Variants in CTNNA2 observed in about 807,000 individuals in gnomAD.
The protein encoded by CTNNA2 is catenin alpha-2.
A neutral mutation model predicts 101.0 loss-of-function variants in CTNNA2; 42 were observed. The ratio of observed to expected loss-of-function variants is 0.42; its 90% confidence interval spans 0.32 to 0.54. The LOEUF is 0.54. Ranked by LOEUF, CTNNA2 falls within the 20% of genes least tolerant of loss-of-function variation. The probability of loss-of-function intolerance (pLI) is 0.14; values close to 1 mark genes in which losing one functional copy is unlikely to be tolerated. For missense variants in CTNNA2, 871 were observed against 1,223.1 expected (o/e 0.71, Z 4.29); for synonymous variants, 450 against 456.4 (o/e 0.99, Z 0.18).
chr2:79,942,065 G>A (rs544438702), intron 7 of CTNNA2, among the ~76,000 whole-genome samples: 1 of 152,322 alleles, frequency 6.6e-6, no homozygotes. Flanking sequence ...ATAAGCTCCA[G>A]GCATAAGTGC....
chr2:79,561,796 G>C (rs906333584), intron 1 of CTNNA2, among the ~76,000 whole-genome samples: 12 of 151,502 alleles, frequency 7.9e-5, no homozygotes, highest in Middle Eastern at 3.2e-3. Flanking sequence ...CCCATCTTGG[G>C]CTATTTGCAT....
intron 1 of CTNNA2, among the ~76,000 whole-genome samples, chr2:79,590,626 A>C (rs2103978272): frequency 6.6e-6 from 1 of 152,320 alleles, no homozygotes; most frequent in East Asian, 1.9e-4. Context: ...ATTAAAAAAA[A>C]ACATCAGATT....
chr2:79,188,087 G>A (rs1165375445), intron 1 of CTNNA2, among the ~76,000 whole-genome samples: 2 of 152,068 alleles, frequency 1.3e-5, no homozygotes, highest in African/African-American at 2.4e-5. Flanking sequence ...GGTAACTAAA[G>A]AGAAAAATGT....
chr2:80,085,644 T>C (rs1699393815), intron 7 of CTNNA2, among the ~76,000 whole-genome samples: 1 of 152,064 alleles, frequency 6.6e-6, no homozygotes, highest in Non-Finnish European at 1.5e-5. Flanking sequence ...ACTAAAGCCA[T>C]TATTTCATCC....
At chr2:79,385,052 G>A (rs994646811) in intron 4 of CTNNA2, among the ~76,000 whole-genome samples, 2 of 152,156 alleles carry the variant, frequency 1.3e-5, no homozygotes, top group Non-Finnish European at 2.9e-5. Flanking sequence ...TGCATAGAAT[G>A]TCCATGACTT....
chr2:79,789,402 G>T (rs888884624), intron 3 of CTNNA2, among the ~76,000 whole-genome samples: 3 of 152,158 alleles, frequency 2.0e-5, no homozygotes, highest in African/African-American at 7.2e-5. Flanking sequence ...AAACGGGAAG[G>T]TCAGCTCACA....
At chr2:80,644,057 A>T (rs1449779742) in intron 18 of CTNNA2, among the ~76,000 whole-genome samples, 4 of 152,290 alleles carry the variant, frequency 2.6e-5, no homozygotes, top group African/African-American at 2.4e-5. Context: ...ACTAAAAAAC[A>T]AGACCTGAGA....
chr2:79,215,690 T>G (rs1674245952), intron 2 of CTNNA2, among the ~76,000 whole-genome samples: 1 of 151,974 alleles, frequency 6.6e-6, no homozygotes, highest in Non-Finnish European at 1.5e-5. Context: ...TGATTTGGGA[T>G]TAAAAAAAGG....
At chr2:80,320,315 C>G (rs535149675) in intron 7 of CTNNA2, among the ~76,000 whole-genome samples, 311 of 152,338 alleles carry the variant, frequency 2.0e-3, no homozygotes, top group Non-Finnish European at 3.4e-3. Flanking sequence ...ATTGCCATTT[C>G]TCCTTCTATT....
chr2:80,306,535 T>G (rs1011410448), intron 7 of CTNNA2, among the ~76,000 whole-genome samples: 3 of 151,896 alleles, frequency 2.0e-5, no homozygotes, highest in African/African-American at 7.3e-5. Flanking sequence ...TAACTCTGGA[T>G]CAGGCATTTG....
intron 7 of CTNNA2, among the ~76,000 whole-genome samples, chr2:80,368,148 T>C (rs2149328685): frequency 6.6e-6 from 1 of 152,318 alleles, no homozygotes; most frequent in East Asian, 1.9e-4. Flanking sequence ...TGTTTTGGCA[T>C]ATATTTACAT....
In CTNNA2 at chr2:79,425,564, A is replaced by G. The variant is rs1678584010; in HGVS notation, c.-135+51551A>G. Among the ~76,000 whole-genome samples the G allele has an allele frequency of 1.3e-5, 2 of 152,140 alleles. 1 individual carries two copies. The highest frequency in any genetic ancestry group is 4.1e-4 in the South Asian group (2 of 4,832). On this transcript the variant is annotated intron_variant, in intron 4 of 21. Coordinates refer to the CTNNA2 transcript ENST00000466387. ...CAGAAGGGCAAGTTAGGCAAACTGC[A>G]TAAAGCTGCTTTTAAAAGGGTCATA...
chr2:80,640,670 T>C (rs1213647018), intron 18 of CTNNA2, among the ~76,000 whole-genome samples: 1 of 152,196 alleles, frequency 6.6e-6, no homozygotes, highest in East Asian at 1.9e-4. Context: ...GCCTCATGGA[T>C]TTTTAAAACA....
At chr2:79,424,427 A>G (rs987363549) in intron 4 of CTNNA2, among the ~76,000 whole-genome samples, 1 of 152,142 alleles carries the variant, frequency 6.6e-6, no homozygotes, top group African/African-American at 2.4e-5. Context: ...AGGATTGTCA[A>G]CTTCACATTC....
intron 7 of CTNNA2, among the ~76,000 whole-genome samples, chr2:80,369,617 T>C (rs539390719): frequency 2.6e-5 from 4 of 152,240 alleles, no homozygotes; most frequent in South Asian, 2.1e-4. Flanking sequence ...TGTTACCTTA[T>C]ATGGAAAAGG....
At chr2:79,444,639 T>C (rs1187657192) in intron 4 of CTNNA2, among the ~76,000 whole-genome samples, 1 of 152,110 alleles carries the variant, frequency 6.6e-6, no homozygotes, top group Admixed American at 6.6e-5. Context: ...GCAGTTTTTT[T>C]CCTGCTCTAA....
intron 7 of CTNNA2, chr2:80,328,199 A>T (rs990292722): frequency 2.0e-5 from 9 of 455,940 alleles, no homozygotes; most frequent in African/African-American, 1.8e-4. Context: ...GAGCAGATGG[A>T]CTGCTTTTTT....
intron 1 of CTNNA2, among the ~76,000 whole-genome samples, chr2:79,551,040 T>G (rs909262945): frequency 5.9e-5 from 9 of 152,178 alleles, no homozygotes; most frequent in African/African-American, 2.2e-4. Context: ...CTGTAGGAAG[T>G]GAGAAAAAAT....
At chr2:79,457,760 C>T (rs1469576272) in intron 4 of CTNNA2, among the ~76,000 whole-genome samples, 4 of 152,158 alleles carry the variant, frequency 2.6e-5, no homozygotes, top group Non-Finnish European at 4.4e-5. Context: ...ATTGGGTTAA[C>T]GAAGGGAGAA....
Sources: gnomAD v4.1 joint callset for allele counts (sites outside exome capture counted in the v4.1 genomes callset) on GRCh38, gnomAD v4.1.1 for gene constraint, MANE v1.5 for transcripts, NCBI Gene and HGNC (gene_info 2026-07-23, HGNC 2026-07-21) for gene names.